The following ERC2 variants were observed in gnomAD, a reference collection of about 807,000 sequenced individuals.
ERC2 encodes ELKS/RAB6-interacting/CAST family member 2.
In ERC2, 42 loss-of-function variants were observed where a neutral mutation model predicts 114.8. That is an observed-to-expected ratio of 0.37 (90% confidence interval 0.29 to 0.47). ERC2 has a LOEUF of 0.47. Ranked by LOEUF, ERC2 falls within the 20% of genes least tolerant of loss-of-function variation. The pLI is 0.99. For missense variants in ERC2, 939 were observed against 1,150.7 expected (o/e 0.82, Z 2.66); for synonymous variants, 454 against 425.5 (o/e 1.07, Z -0.82).
chr3:56,417,465 G>T (rs1012649330), intron 2 of ERC2, among the ~76,000 whole-genome samples: 14 of 152,070 alleles, frequency 9.2e-5, no homozygotes, highest in Admixed American at 6.6e-4. Flanking sequence ...AACTGGCTTG[G>T]ATCCAGTTAT....
chr3:56,312,207 G>T, intron 2 of ERC2, among the ~76,000 whole-genome samples: 1 of 152,078 alleles, frequency 6.6e-6, no homozygotes, highest in Non-Finnish European at 1.5e-5. Context: ...TATTTCTAAA[G>T]ATTCCATAAA....
intron 6 of ERC2, among the ~76,000 whole-genome samples, chr3:56,138,842 A>G (rs1319040800): frequency 6.6e-6 from 1 of 152,228 alleles, no homozygotes; most frequent in Non-Finnish European, 1.5e-5. Context: ...TAATCCAAGG[A>G]GGAAAAGCAA....
chr3:56,438,626 A>G (rs2062141275), intron 1 of ERC2, among the ~76,000 whole-genome samples: 1 of 152,208 alleles, frequency 6.6e-6, no homozygotes, highest in Non-Finnish European at 1.5e-5. Context: ...TTCTGTGCTT[A>G]CAATCTAGAT....
At chr3:56,127,773 A>G (rs1361057504) in intron 6 of ERC2, among the ~76,000 whole-genome samples, 2 of 152,058 alleles carry the variant, frequency 1.3e-5, no homozygotes, top group Non-Finnish European at 2.9e-5. Context: ...AAACAGATAC[A>G]TAGTCCAGTG....
rs929380854 is a variant in ERC2, at chr3:55,675,079, A to C, written c.*39+8715T>G. Among the ~76,000 whole-genome samples the C allele has an allele frequency of 2.0e-5, 3 of 152,126 alleles. No homozygotes were observed. The East Asian group carries it at 5.8e-4, about 29-fold the overall frequency. ...TGCTTCAGAGGGATGGGGGCCTGAC[A>C]TCCCAATTTTACTCCACTCAAGATT... On this transcript the variant is annotated intron_variant, in intron 17 of 17. Transcript: ENST00000288221.
chr3:56,260,483 A>C (rs2052842482), intron 3 of ERC2, among the ~76,000 whole-genome samples: 2 of 152,224 alleles, frequency 1.3e-5, no homozygotes, highest in Non-Finnish European at 2.9e-5. Context: ...AGTGGCTCCC[A>C]GGGGCTTGGC....
chr3:56,224,378 T>A (rs2050117187), intron 3 of ERC2, among the ~76,000 whole-genome samples: 1 of 151,762 alleles, frequency 6.6e-6, no homozygotes, highest in South Asian at 2.1e-4. Flanking sequence ...AAAGAGGAAA[T>A]AAGAAAGATA....
chr3:56,098,261 T>A (rs1353355959), intron 6 of ERC2, among the ~76,000 whole-genome samples: 1 of 152,226 alleles, frequency 6.6e-6, no homozygotes, highest in Non-Finnish European at 1.5e-5. Flanking sequence ...GACTCCTTTA[T>A]AAACCATACG....
rs577304716 is a variant in ERC2, at chr3:55,825,710, C to T, written c.2564+62679G>A. On this transcript the variant is annotated intron_variant, in intron 14 of 17. Coordinates refer to ENST00000288221, the MANE Select transcript of ERC2 (RefSeq NM_015576.3). ...AGCCATCTCTCAAAAGTATTTTACC[C>T]TCTGCTGAGAAATTAATATTTCATC... Among the ~76,000 whole-genome samples the T allele has an allele frequency of 1.2e-3, 183 of 152,056 alleles. 2 individuals carry two copies. The highest frequency in any genetic ancestry group is 3.9e-3 in the African/African-American group (162 of 41,460).
chr3:56,148,310 T>C (rs909496677), intron 5 of ERC2, among the ~76,000 whole-genome samples: 2 of 152,066 alleles, frequency 1.3e-5, no homozygotes. Flanking sequence ...TTTTGAGATG[T>C]AGTCTTGCTC....
intron 13 of ERC2, among the ~76,000 whole-genome samples, chr3:55,928,800 G>A (rs2065900515): frequency 1.3e-5 from 2 of 152,112 alleles, no homozygotes; most frequent in African/African-American, 4.8e-5. Flanking sequence ...GCAGAGACTG[G>A]GGGCTAGTTT....
chr3:55,585,042 T>C (rs1467587362), intron 17 of ERC2, among the ~76,000 whole-genome samples: 2 of 152,190 alleles, frequency 1.3e-5, no homozygotes, highest in Non-Finnish European at 2.9e-5. Context: ...GGGGAGAAGC[T>C]CAGGAGGAAG....
chr3:56,322,089 C>T (rs1054629565), intron 2 of ERC2, among the ~76,000 whole-genome samples: 1 of 152,202 alleles, frequency 6.6e-6, no homozygotes, highest in Non-Finnish European at 1.5e-5. Context: ...AATCACCTAA[C>T]CACAGAGCGT....
intron 3 of ERC2, among the ~76,000 whole-genome samples, chr3:56,276,136 T>C (rs2053973705): frequency 1.3e-5 from 2 of 152,188 alleles, no homozygotes; most frequent in African/African-American, 4.8e-5. Context: ...AAGTTTAATT[T>C]CCTCACAAAT....
At chr3:56,220,936 T>A (rs1382093218) in intron 3 of ERC2, among the ~76,000 whole-genome samples, 1 of 152,342 alleles carries the variant, frequency 6.6e-6, no homozygotes, top group Middle Eastern at 3.4e-3. Flanking sequence ...ATGTGTATTA[T>A]ATCAATGGGC....
intron 6 of ERC2, among the ~76,000 whole-genome samples, chr3:56,097,485 T>G (rs1030822781): frequency 1.3e-5 from 2 of 152,206 alleles, no homozygotes; most frequent in Admixed American, 1.3e-4. Context: ...TTTCTATTTC[T>G]GTGTGGGTTT....
In ERC2 at chr3:56,179,358, T is replaced by A. The variant is rs1299759413; in HGVS notation, c.1075-5838A>T. Reference sequence around the variant, plus strand: ...ACATTTGGAGTTTGTCGTGAGGACATTGATTTTACTCTGAGAAAAATGGGA... The same window carrying A: ...ACATTTGGAGTTTGTCGTGAGGACAATGATTTTACTCTGAGAAAAATGGGA... On this transcript the variant is annotated intron_variant, in intron 3 of 17. Coordinates refer to ENST00000288221, the MANE Select transcript of ERC2 (RefSeq NM_015576.3). 2.0e-5 allele frequency among the ~76,000 whole-genome samples: 3 copies of A among 152,116 alleles called. No homozygotes were observed. The South Asian group carries it at 6.2e-4, about 32-fold the overall frequency.
intron 6 of ERC2, among the ~76,000 whole-genome samples, chr3:56,118,838 G>A (rs1406335411): frequency 1.3e-5 from 2 of 151,930 alleles, no homozygotes; most frequent in Non-Finnish European, 2.9e-5. Flanking sequence ...GGGTTTCACC[G>A]TGTTAACCAG....
intron 15 of ERC2, among the ~76,000 whole-genome samples, chr3:55,702,595 T>C (rs1023971829): frequency 6.6e-6 from 1 of 152,088 alleles, no homozygotes; most frequent in Non-Finnish European, 1.5e-5. Flanking sequence ...ATTATACCGG[T>C]TTACACATAG....
Sources: allele counts gnomAD v4.1 joint callset (sites outside exome capture counted in the v4.1 genomes callset), GRCh38; gene constraint gnomAD v4.1.1; transcripts MANE v1.5; gene names NCBI Gene and HGNC (gene_info 2026-07-23, HGNC 2026-07-21).